The following ST8SIA6 variants were observed in gnomAD, a reference collection of about 807,000 sequenced individuals.
ST8SIA6 encodes the protein alpha-2,8-sialyltransferase 8F.
In ST8SIA6, 39 loss-of-function variants were observed where a neutral mutation model predicts 33.6. The observed-to-expected ratio is 1.16, with a 90% CI of 0.90 to 1.52. ST8SIA6 has a LOEUF of 1.52. Among genes scored for constraint, ST8SIA6 ranks in the 40% most tolerant of loss-of-function variants. The probability of loss-of-function intolerance (pLI) is 0.00; values close to 1 mark genes in which losing one functional copy is unlikely to be tolerated. For synonymous variants in ST8SIA6, 172 were observed against 167.2 expected (o/e 1.03, Z -0.22); for missense variants, 441 against 443.8 (o/e 0.99, Z 0.06).
At chr10:17,436,365 T>C (rs901284549) in intron 2 of ST8SIA6, among the ~76,000 whole-genome samples, 1 of 152,002 alleles carries the variant, frequency 6.6e-6, no homozygotes, top group Non-Finnish European at 1.5e-5. Flanking sequence ...GATCTGATGG[T>C]TTGTTTTTGT....
At chr10:17,411,649 C>T (rs181015434) in intron 2 of ST8SIA6, among the ~76,000 whole-genome samples, 37 of 152,348 alleles carry the variant, frequency 2.4e-4, no homozygotes, top group African/African-American at 7.9e-4. Context: ...TTTTGCTTTG[C>T]TGTCTTCATT....
At position 17,433,448 on chromosome 10, in the gene ST8SIA6, T is replaced by G. The variant is rs1424667836; in HGVS notation, c.200+20111A>C. Among the ~76,000 whole-genome samples, 3 of 152,216 alleles carry G rather than the reference T, an allele frequency of 2.0e-5. No individual in the cohort carries two copies. In the East Asian group the frequency reaches 5.8e-4, roughly 29 times the overall value. On this transcript the variant is annotated intron_variant, in intron 2 of 7. Transcript: ENST00000377602. ...CAATTAAAACAAAGAGATACCATTT[T>G]CGCCCATCAAGCTAACAAAAATATA...
chr10:17,379,588 CA>C lies in ST8SIA6; in HGVS notation c.290+10942del, dbSNP rs1215060172. The stretch of plus-strand genomic sequence containing the variant: ...CCATTGGAAAGACTAATCAGAAACT[CA>C]AAAGAATGCAACCGTTTGTCTCTCA... On this transcript the variant is annotated intron_variant, in intron 3 of 7. Coordinates refer to ENST00000377602, the MANE Select transcript of ST8SIA6 (RefSeq NM_001004470.3). Among the ~76,000 whole-genome samples, 25 of 152,260 alleles carry C rather than the reference CA, an allele frequency of 1.6e-4. No homozygotes were observed. In the East Asian group the frequency reaches 4.8e-3, roughly 29 times the overall value.
intron 2 of ST8SIA6, among the ~76,000 whole-genome samples, chr10:17,399,955 C>T (rs561356385): frequency 9.7e-4 from 147 of 150,778 alleles, no homozygotes; most frequent in African/African-American, 3.6e-3. Flanking sequence ...AACTCTCATG[C>T]ACATATAAAA....
chr10:17,425,584 G>A (rs1389044108), intron 2 of ST8SIA6, among the ~76,000 whole-genome samples: 1 of 150,120 alleles, frequency 6.7e-6, no homozygotes, highest in Non-Finnish European at 1.5e-5. Context: ...AGGAAAGAAC[G>A]AAAGGAAGGA....
chr10:17,387,011 C>T (rs1469799660), intron 3 of ST8SIA6: 1 of 152,258 alleles, frequency 6.6e-6, no homozygotes, highest in Non-Finnish European at 1.5e-5. Context: ...TCTTTCTGAT[C>T]TCTTTTTCAT....
intron 2 of ST8SIA6, among the ~76,000 whole-genome samples, chr10:17,435,446 CCT>C (rs1852220687): frequency 6.6e-6 from 1 of 152,192 alleles, no homozygotes; most frequent in Non-Finnish European, 1.5e-5. Context: ...AAGTTACTGA[CCT>C]CTCTGTGTTT....
rs1376192880 is a variant in ST8SIA6, at chr10:17,315,923, T to C, written c.*4955A>G. On this transcript the variant is annotated 3_prime_UTR_variant, in exon 8 of 8. Coordinates refer to ENST00000377602, the MANE Select transcript of ST8SIA6 (RefSeq NM_001004470.3). ...ATAATACTGATTTTTCTTTTCATTT[T>C]ATAATTGCATAATGGAAATAATATT... Among the ~76,000 whole-genome samples the C allele has an allele frequency of 6.6e-6, 1 of 152,024 alleles. No homozygotes were observed. The highest frequency in any genetic ancestry group is 2.4e-5 in the African/African-American group (1 of 41,442).
At chr10:17,441,001 C>T (rs1377453738) in intron 2 of ST8SIA6, among the ~76,000 whole-genome samples, 1 of 152,140 alleles carries the variant, frequency 6.6e-6, no homozygotes, top group Non-Finnish European at 1.5e-5. Context: ...ATTCTGGATA[C>T]AAGTCTTTTA....
chr10:17,405,085 C>A (rs931533332), intron 2 of ST8SIA6, among the ~76,000 whole-genome samples: 1 of 152,172 alleles, frequency 6.6e-6, no homozygotes, highest in African/African-American at 2.4e-5. Flanking sequence ...TCTGTGGATT[C>A]TCCTTTGAAC....
intron 2 of ST8SIA6, among the ~76,000 whole-genome samples, chr10:17,450,351 A>T (rs1852861064): frequency 6.6e-6 from 1 of 152,178 alleles, no homozygotes; most frequent in Non-Finnish European, 1.5e-5. Context: ...CACCCTGTAG[A>T]TTAGAAGGAA....
Position 17,378,534 on chromosome 10 carries a change from G to A in ST8SIA6, c.290+11997C>T, listed in dbSNP as rs577857953. Among the ~76,000 whole-genome samples, 62 of 152,264 alleles carry A rather than the reference G, an allele frequency of 4.1e-4. 1 individual carries two copies. The highest frequency in any genetic ancestry group is 7.8e-4 in the Non-Finnish European group (53 of 68,016). ...CTGCATCATTTTGTCTATGTCTGAT[G>A]TGTGGAGGGTGCCACAAAAGGTTTG... On this transcript the variant is annotated intron_variant, in intron 3 of 7. Coordinates refer to ENST00000377602, the MANE Select transcript of ST8SIA6 (RefSeq NM_001004470.3).
At chr10:17,370,027 T>C (rs562284873) in intron 3 of ST8SIA6, among the ~76,000 whole-genome samples, 1 of 151,844 alleles carries the variant, frequency 6.6e-6, no homozygotes, top group East Asian at 1.9e-4. Context: ...AGTCTAGCTC[T>C]GTCGCTGCAG....
intron 2 of ST8SIA6, among the ~76,000 whole-genome samples, chr10:17,424,742 T>C (rs1851882420): frequency 6.6e-6 from 1 of 151,816 alleles, no homozygotes; most frequent in South Asian, 2.1e-4. Context: ...TCATAAATTT[T>C]TTTTTTTTTT....
At chr10:17,343,665 G>A (rs1848744195) in intron 4 of ST8SIA6, among the ~76,000 whole-genome samples, 1 of 151,728 alleles carries the variant, frequency 6.6e-6, no homozygotes, top group Non-Finnish European at 1.5e-5. Context: ...GAAGACAGAA[G>A]GCAAAAGACA....
intron 4 of ST8SIA6, among the ~76,000 whole-genome samples, chr10:17,356,777 A>G (rs913574922): frequency 1.3e-5 from 2 of 152,044 alleles, no homozygotes; most frequent in African/African-American, 4.8e-5. Flanking sequence ...TTTAATGTGA[A>G]AATGGTACTA....
At chr10:17,430,310 T>TA (rs753986655) in intron 2 of ST8SIA6, among the ~76,000 whole-genome samples, 4 of 152,350 alleles carry the variant, frequency 2.6e-5, no homozygotes, top group Admixed American at 1.3e-4. Context: ...GATGGGCACT[T>TA]ACGTCAGTTC....
chr10:17,408,808 G>T (rs1851356788), intron 2 of ST8SIA6, among the ~76,000 whole-genome samples: 1 of 151,602 alleles, frequency 6.6e-6, no homozygotes, highest in South Asian at 2.1e-4. Flanking sequence ...CAGGCTGGAG[G>T]GTGATGGCAC....
intron 2 of ST8SIA6, among the ~76,000 whole-genome samples, chr10:17,420,325 T>G (rs1442172118): frequency 1.3e-5 from 2 of 152,052 alleles, no homozygotes; most frequent in Non-Finnish European, 2.9e-5. Flanking sequence ...GGCAGGAGAA[T>G]GGCGTGAACC....
Sources: gnomAD v4.1 joint callset for allele counts (sites outside exome capture counted in the v4.1 genomes callset) on GRCh38, gnomAD v4.1.1 for gene constraint, MANE v1.5 for transcripts, NCBI Gene and HGNC (gene_info 2026-07-23, HGNC 2026-07-21) for gene names.